SDK1: variants seen among roughly 807,000 people sequenced by gnomAD.
The protein encoded by SDK1 is sidekick cell adhesion molecule 1.
SDK1 carries 157 observed loss-of-function variants against 245.5 expected under a neutral mutation model. That is an observed-to-expected ratio of 0.64 (90% confidence interval 0.56 to 0.73). The LOEUF (loss-of-function observed/expected upper bound fraction) is 0.73, where lower values mean the gene tolerates loss of function less well. Ranked by LOEUF, SDK1 falls within the 30% of genes least tolerant of loss-of-function variation. The pLI, the probability that SDK1 is intolerant of heterozygous loss-of-function variation, is 0.00. For synonymous variants in SDK1, 1,647 were observed against 1,278.5 expected (o/e 1.29, Z -6.15); for missense variants, 3,583 against 3,002.3 (o/e 1.19, Z -4.52).
intron 1 of SDK1, among the ~76,000 whole-genome samples, chr7:3,333,627 C>T (rs780308201): frequency 4.6e-5 from 7 of 152,064 alleles, no homozygotes; most frequent in Admixed American, 1.3e-4. Context: ...CCATGCATAC[C>T]CCTAACCTAG....
At chr7:3,405,216 T>A (rs1779018426) in intron 1 of SDK1, among the ~76,000 whole-genome samples, 1 of 152,162 alleles carries the variant, frequency 6.6e-6, no homozygotes, top group African/African-American at 2.4e-5. Context: ...GGAATGCTTT[T>A]CACAAGAACT....
intron 19 of SDK1, among the ~76,000 whole-genome samples, chr7:4,060,298 T>G (rs1779455307): frequency 6.6e-6 from 1 of 152,122 alleles, no homozygotes; most frequent in Non-Finnish European, 1.5e-5. Context: ...GTAGAAAGAT[T>G]TCAAACAATC....
At chr7:4,116,200 A>G (rs1390998700) in intron 25 of SDK1, among the ~76,000 whole-genome samples, 1 of 152,204 alleles carries the variant, frequency 6.6e-6, no homozygotes, top group Non-Finnish European at 1.5e-5. Context: ...ATCAGCTCCC[A>G]GCAATAAGGA....
intron 1 of SDK1, among the ~76,000 whole-genome samples, chr7:3,464,653 A>G (rs973874217): frequency 3.3e-5 from 5 of 151,954 alleles, no homozygotes; most frequent in Non-Finnish European, 4.4e-5. Context: ...ATGAAGCATG[A>G]AGCAAATATG....
chr7:3,956,361 C>T (rs756421853), intron 7 of SDK1, among the ~76,000 whole-genome samples: 2 of 152,264 alleles, frequency 1.3e-5, no homozygotes, highest in Admixed American at 6.5e-5. Flanking sequence ...TGTGTAAAAC[C>T]GTAGCTGGAA....
chr7:3,718,156 A>G lies in SDK1; in HGVS notation c.713+76051A>G, dbSNP rs115666079. On this transcript the variant is annotated intron_variant, in intron 4 of 44. Coordinates refer to ENST00000404826, the MANE Select transcript of SDK1 (RefSeq NM_152744.4). ...GTAAGTCATACTAACAGCAGTCCAG[A>G]GAAGAAACTTTATGAGCATATCCAT... is the stretch of plus-strand genomic sequence containing the variant. Among the ~76,000 whole-genome samples, 807 of 152,248 alleles carry G rather than the reference A, an allele frequency of 5.3e-3. 8 individuals are homozygous for G. The highest frequency in any genetic ancestry group is 0.018 in the African/African-American group (741 of 41,536).
intron 4 of SDK1, among the ~76,000 whole-genome samples, chr7:3,805,061 A>T (rs1779207626): frequency 6.6e-6 from 1 of 152,214 alleles, no homozygotes; most frequent in African/African-American, 2.4e-5. Context: ...ACATGAGGTA[A>T]TGTATGGTTA....
intron 4 of SDK1, among the ~76,000 whole-genome samples, chr7:3,644,791 A>C (rs1347874012): frequency 1.4e-5 from 2 of 139,042 alleles, no homozygotes; most frequent in African/African-American, 5.5e-5. Flanking sequence ...AAAAAAAAAA[A>C]ACAAAAAACA....
intron 31 of SDK1, among the ~76,000 whole-genome samples, chr7:4,160,041 A>T (rs1010394078): frequency 2.8e-4 from 43 of 152,336 alleles, no homozygotes; most frequent in African/African-American, 1.0e-3. Flanking sequence ...GCACCACTTT[A>T]TTGTTAGCAA....
At position 3,498,588 on chromosome 7, in the gene SDK1, T is replaced by C. The variant is rs1782095470; in HGVS notation, c.299-120492T>C. On this transcript the variant is annotated intron_variant, in intron 1 of 44. Coordinates refer to ENST00000404826, the MANE Select transcript of SDK1 (RefSeq NM_152744.4). The stretch of plus-strand genomic sequence containing the variant: ...AGCTACCATTGATAGCTATTACTTC[T>C]TCCTTTCTTGGTTTTCCATCTGTCG... Among the ~76,000 whole-genome samples, 2 of 152,218 alleles carry C rather than the reference T, an allele frequency of 1.3e-5. 1 individual carries two copies. Among genetic ancestry groups the C allele is most frequent in the South Asian group, 4.1e-4 (2 of 4,830 alleles).
At chr7:3,928,283 CCTTT>C (rs1246221616) in intron 5 of SDK1, among the ~76,000 whole-genome samples, 8 of 152,052 alleles carry the variant, frequency 5.3e-5, no homozygotes, top group African/African-American at 1.9e-4. Context: ...GATAGTTAAA[CCTTT>C]ATTTATTTAT....
Position 3,979,681 on chromosome 7 carries a change from A to G in SDK1, c.1994+5136A>G, listed in dbSNP as rs1324760906. 3.3e-5 allele frequency among the ~76,000 whole-genome samples: 5 copies of G among 152,330 alleles called. No homozygotes were observed. The East Asian group carries it at 9.6e-4, about 29-fold the overall frequency. Reference sequence around the variant, plus strand: ...CTGTAAATTAACAAGACAAGTCATCATTAAATGCTGGTCACCCCTTGTTTT... The same window carrying G: ...CTGTAAATTAACAAGACAAGTCATCGTTAAATGCTGGTCACCCCTTGTTTT... On this transcript the variant is annotated intron_variant, in intron 13 of 44. Coordinates refer to ENST00000404826, the MANE Select transcript of SDK1 (RefSeq NM_152744.4).
chr7:4,038,216 G>A (rs981781456), intron 17 of SDK1, among the ~76,000 whole-genome samples: 17 of 152,268 alleles, frequency 1.1e-4, no homozygotes, highest in Middle Eastern at 3.4e-3. Flanking sequence ...CCAGAGGATC[G>A]ACTGAGGCCT....
At chr7:3,440,901 G>T (rs1320990883) in intron 1 of SDK1, among the ~76,000 whole-genome samples, 1 of 152,184 alleles carries the variant, frequency 6.6e-6, no homozygotes, top group Non-Finnish European at 1.5e-5. Context: ...TGACAGCAAT[G>T]TGTTGTGCCA....
chr7:3,736,841 A>C (rs1038329859), intron 4 of SDK1, among the ~76,000 whole-genome samples: 8 of 152,206 alleles, frequency 5.3e-5, no homozygotes, highest in African/African-American at 1.9e-4. Context: ...AATGTACAAT[A>C]CAGTATTATT....
chr7:4,049,310 C>T (rs777208714), intron 17 of SDK1, 38 bp from the exon 18 acceptor site: 5 of 1,519,826 alleles, frequency 3.3e-6, no homozygotes, highest in Non-Finnish European at 2.7e-6. Flanking sequence ...TCCCTCCTGC[C>T]ATTTGTTCTG....
chr7:3,913,514 C>T (rs1358858381), intron 5 of SDK1, among the ~76,000 whole-genome samples: 3 of 151,958 alleles, frequency 2.0e-5, no homozygotes, highest in African/African-American at 7.3e-5. Context: ...AGGATGGTCT[C>T]GATCTCCTGA....
intron 38 of SDK1, among the ~76,000 whole-genome samples, chr7:4,216,346 G>T (rs764052374): frequency 6.6e-6 from 1 of 152,062 alleles, no homozygotes; most frequent in African/African-American, 2.4e-5. Context: ...GACTGGCCCC[G>T]CCCCACGGCC....
At chr7:3,501,785 C>G (rs1443790582) in intron 1 of SDK1, among the ~76,000 whole-genome samples, 1 of 152,108 alleles carries the variant, frequency 6.6e-6, no homozygotes, top group Non-Finnish European at 1.5e-5. Context: ...GATGGACTAT[C>G]AGTATGTTCT....
Sources: allele counts gnomAD v4.1 joint callset (sites outside exome capture counted in the v4.1 genomes callset), GRCh38; gene constraint gnomAD v4.1.1; transcripts MANE v1.5; gene names NCBI Gene and HGNC (gene_info 2026-07-23, HGNC 2026-07-21).